TAF3: variants seen among roughly 807,000 people sequenced by gnomAD.
The protein encoded by TAF3 is transcription initiation factor TFIID subunit 3.
A neutral mutation model predicts 80.6 loss-of-function variants in TAF3; 7 were observed. The observed-to-expected ratio is 0.09, with a 90% confidence interval of 0.05 to 0.16. TAF3 has a LOEUF of 0.16. Among genes scored for constraint, TAF3 ranks in the 10% least tolerant of loss-of-function variants. TAF3 has a pLI of 1.00. For synonymous variants in TAF3, 444 were observed against 446.1 expected (o/e 1.00, Z 0.06); for missense variants, 921 against 1,140.2 (o/e 0.81, Z 2.77).
intron 3 of TAF3, among the ~76,000 whole-genome samples, chr10:7,969,460 A>C (rs10752122): frequency 0.38 from 58,310 of 151,900 alleles, 12,284 homozygotes; most frequent in Admixed American, 0.51. Context: ...TTTTATTAAA[A>C]TTTTGGTTTC....
intron 2 of TAF3, among the ~76,000 whole-genome samples, chr10:7,867,923 A>G (rs1363945029): frequency 6.6e-6 from 1 of 152,224 alleles, no homozygotes; most frequent in Non-Finnish European, 1.5e-5. Flanking sequence ...TGTACTATGT[A>G]CTGTATTCTT....
intron 2 of TAF3, among the ~76,000 whole-genome samples, chr10:7,887,703 A>C (rs1231833420): frequency 2.6e-5 from 4 of 152,168 alleles, no homozygotes; most frequent in African/African-American, 9.7e-5. Context: ...ACCTCAAGAA[A>C]AGGCTTCAAT....
intron 2 of TAF3, among the ~76,000 whole-genome samples, chr10:7,897,805 G>A (rs966598094): frequency 4.6e-5 from 7 of 151,824 alleles, no homozygotes; most frequent in South Asian, 2.1e-4. Context: ...GACCATAGGC[G>A]TGTGCCACCA....
At chr10:7,903,504 G>A (rs188825807) in intron 2 of TAF3, among the ~76,000 whole-genome samples, 1 of 152,250 alleles carries the variant, frequency 6.6e-6, no homozygotes, top group East Asian at 1.9e-4. Flanking sequence ...TAAGGACAAC[G>A]GTGTTTAACT....
intron 2 of TAF3, among the ~76,000 whole-genome samples, chr10:7,880,245 A>G (rs753412608): frequency 1.3e-5 from 2 of 152,208 alleles, no homozygotes; most frequent in Non-Finnish European, 2.9e-5. Flanking sequence ...CTCGGAAAAA[A>G]TAAAAAATAA....
At chr10:7,891,048 G>T (rs1399349081) in intron 2 of TAF3, among the ~76,000 whole-genome samples, 1 of 152,230 alleles carries the variant, frequency 6.6e-6, no homozygotes, top group Non-Finnish European at 1.5e-5. Context: ...CCCTTTGCAT[G>T]TCTGCAGCAG....
intron 2 of TAF3, among the ~76,000 whole-genome samples, chr10:7,890,788 C>A (rs1455601925): frequency 6.6e-6 from 1 of 152,202 alleles, no homozygotes; most frequent in Non-Finnish European, 1.5e-5. Context: ...CTCACACCTA[C>A]GTCATACATT....
chr10:7,995,244 G>A (rs1021027625), intron 4 of TAF3, among the ~76,000 whole-genome samples: 2 of 152,028 alleles, frequency 1.3e-5, no homozygotes, highest in Admixed American at 6.6e-5. Flanking sequence ...TATGTCATCA[G>A]CTTGATATAC....
intron 2 of TAF3, among the ~76,000 whole-genome samples, chr10:7,849,784 A>C (rs1181734325): frequency 6.6e-6 from 1 of 151,742 alleles, no homozygotes; most frequent in African/African-American, 2.4e-5. Flanking sequence ...GGCTCAAGCG[A>C]TCCTCCCACC....
chr10:7,985,382 CTG>C (rs775594635), intron 4 of TAF3, among the ~76,000 whole-genome samples: 4 of 152,226 alleles, frequency 2.6e-5, no homozygotes, highest in Non-Finnish European at 5.9e-5. Flanking sequence ...CTCCTCTCCT[CTG>C]TGTCTTCCTC....
At chr10:7,951,984 T>A (rs937902746) in intron 2 of TAF3, among the ~76,000 whole-genome samples, 1 of 152,366 alleles carries the variant, frequency 6.6e-6, no homozygotes, top group South Asian at 2.1e-4. Context: ...GGAAAGGAAT[T>A]GCAATGAGAT....
chr10:7,959,658 A>T (rs192197579), intron 2 of TAF3, among the ~76,000 whole-genome samples: 19 of 152,324 alleles, frequency 1.2e-4, no homozygotes, highest in African/African-American at 4.6e-4. Flanking sequence ...TCTAAATTCA[A>T]AGTAAACCAA....
chr10:7,867,601 G>A (rs1230721745), intron 2 of TAF3, among the ~76,000 whole-genome samples: 1 of 152,172 alleles, frequency 6.6e-6, no homozygotes, highest in Non-Finnish European at 1.5e-5. Context: ...GGAGGAGACA[G>A]GTACTCACTC....
At chr10:7,838,475 G>A (rs1359206096) in intron 2 of TAF3, among the ~76,000 whole-genome samples, 4 of 152,100 alleles carry the variant, frequency 2.6e-5, no homozygotes, top group East Asian at 3.9e-4. Flanking sequence ...TCTGCCTCCC[G>A]GGTTTGAGCG....
intron 2 of TAF3, among the ~76,000 whole-genome samples, chr10:7,940,612 T>A (rs141606729): frequency 7.2e-5 from 11 of 152,190 alleles, no homozygotes; most frequent in Non-Finnish European, 1.6e-4. Flanking sequence ...GAATTATTAT[T>A]TGAGACAGTT....
intron 2 of TAF3, among the ~76,000 whole-genome samples, chr10:7,871,411 T>C (rs1837263286): frequency 6.7e-6 from 1 of 148,390 alleles, no homozygotes; most frequent in South Asian, 2.1e-4. Flanking sequence ...TCTCTGAATC[T>C]AAATTGATGA....
chr10:7,893,039 C>T (rs1368950127), intron 2 of TAF3, among the ~76,000 whole-genome samples: 2 of 152,014 alleles, frequency 1.3e-5, no homozygotes, highest in Admixed American at 1.3e-4. Flanking sequence ...AGGCTGGTCT[C>T]CACCTCCTGA....
intron 2 of TAF3, among the ~76,000 whole-genome samples, chr10:7,930,996 G>A (rs1837863321): frequency 6.6e-6 from 1 of 152,120 alleles, no homozygotes; most frequent in South Asian, 2.1e-4. Context: ...AATAGAACAA[G>A]AAGAACTTAA....
intron 2 of TAF3, among the ~76,000 whole-genome samples, chr10:7,880,820 C>G (rs565148706): frequency 1.3e-5 from 2 of 152,260 alleles, no homozygotes; most frequent in East Asian, 3.9e-4. Flanking sequence ...ATGATGCGTG[C>G]AACAGATGTA....
Sources: gnomAD v4.1 joint callset for allele counts (sites outside exome capture counted in the v4.1 genomes callset) on GRCh38, gnomAD v4.1.1 for gene constraint, MANE v1.5 for transcripts, NCBI Gene and HGNC (gene_info 2026-07-23, HGNC 2026-07-21) for gene names.